AK9: variants seen among roughly 807,000 people sequenced by gnomAD.
AK9 encodes adenylate kinase domain containing 1.
In AK9, 191 loss-of-function variants were observed where a neutral mutation model predicts 239.6. That is an observed-to-expected ratio of 0.80 (90% CI 0.71 to 0.90). The LOEUF (loss-of-function observed/expected upper bound fraction) is 0.90, where lower values mean the gene tolerates loss of function less well. Among genes scored for constraint, AK9 ranks in the 40% least tolerant of loss-of-function variants. The pLI, the probability that AK9 is intolerant of heterozygous loss-of-function variation, is 0.00. For missense variants in AK9, 1,995 were observed against 2,214.7 expected (o/e 0.90, Z 1.99); for synonymous variants, 689 against 721.0 (o/e 0.96, Z 0.71).
At chr6:109,690,919 G>A (rs1410728586) in intron 1 of AK9, among the ~76,000 whole-genome samples, 2 of 152,092 alleles carry the variant, frequency 1.3e-5, no homozygotes, top group East Asian at 3.9e-4. Context: ...TTAGAGGTGA[G>A]GGGAAAACTG....
intron 21 of AK9, among the ~76,000 whole-genome samples, chr6:109,568,174 A>C (rs1786864692): frequency 6.6e-6 from 1 of 152,226 alleles, no homozygotes; most frequent in South Asian, 2.1e-4. Context: ...CAAAAGACAA[A>C]AACCACATGG....
At chr6:109,659,613 T>C (rs1800159506) in intron 6 of AK9, among the ~76,000 whole-genome samples, 200 bp from the exon 7 acceptor site, 1 of 152,154 alleles carries the variant, frequency 6.6e-6, no homozygotes, top group African/African-American at 2.4e-5. Context: ...ATGCTATATG[T>C]TTTTATTTGT....
chr6:109,671,944 G>C lies in AK9; in HGVS notation c.306C>G (p.Leu102=). The change falls in exon 5 of 41, where the codon CTC becomes CTG. Residue 102 remains leucine, a synonymous_variant. Coordinates refer to ENST00000424296, the MANE Select transcript of AK9 (RefSeq NM_001145128.3). Reference sequence around the variant, plus strand: ...CAAAGTGACAGACTTCTGGGGAGTTGAGCTTCTCCAACATTAGCTTTATGA... The same window carrying C: ...CAAAGTGACAGACTTCTGGGGAGTTCAGCTTCTCCAACATTAGCTTTATGA... ...ELVIKLMLEK[L]NSPEVCHFGY... is the part of the protein sequence containing the mutation. The C allele has an allele frequency of 2.5e-6, 4 of 1,613,934 alleles. No homozygotes were observed. Among genetic ancestry groups the C allele is most frequent in the Non-Finnish European group, 3.4e-6 (4 of 1,179,908 alleles).
chr6:109,613,510 A>G (rs1345090540), intron 15 of AK9, among the ~76,000 whole-genome samples: 1 of 151,998 alleles, frequency 6.6e-6, no homozygotes, highest in Non-Finnish European at 1.5e-5. Flanking sequence ...ATTTTATGCA[A>G]AGCAATTTGA....
At chr6:109,630,483 A>C (rs1795994215) in intron 12 of AK9, among the ~76,000 whole-genome samples, 1 of 152,224 alleles carries the variant, frequency 6.6e-6, no homozygotes, top group South Asian at 2.1e-4. Flanking sequence ...TGACATCAAG[A>C]TTTATTGTAA....
At chr6:109,579,761 T>A in intron 19 of AK9, 135 bp from the exon 20 acceptor site, 1 of 771,660 alleles carries the variant, frequency 1.3e-6, no homozygotes, top group East Asian at 3.1e-5. Flanking sequence ...TATTTTTAAA[T>A]TACTCATGTT....
chr6:109,537,803 T>C (rs1274707698), intron 27 of AK9, among the ~76,000 whole-genome samples: 1 of 152,166 alleles, frequency 6.6e-6, no homozygotes. Context: ...TGGTATGTTG[T>C]GTCTTTGTTC....
rs1245201935 is a variant in AK9 at position 109,499,197 on chromosome 6, C to T, written c.4893G>A (p.Glu1631=). ...CAAATTCTCCCAGGCGAGAAAGCAGCTCTTGAGGTGTGATACATAACTTGT... is the reference window on the plus strand; with the variant it reads ...CAAATTCTCCCAGGCGAGAAAGCAGTTCTTGAGGTGTGATACATAACTTGT... The part of the protein sequence containing the change: ...CIDKLCITPQ[E]LLSRLGEFEQ... Residue 1631 remains glutamate, a synonymous_variant, in exon 36 of 41, where the codon GAG becomes GAA. Coordinates refer to ENST00000424296, the MANE Select transcript of AK9 (RefSeq NM_001145128.3). 1 of 1,597,132 alleles carries T rather than the reference C, an allele frequency of 6.3e-7. No homozygotes were observed. The highest frequency in any genetic ancestry group is 1.3e-5 in the African/African-American group (1 of 74,282).
intron 35 of AK9, among the ~76,000 whole-genome samples, chr6:109,502,830 A>AT (rs1313856090): frequency 6.6e-6 from 1 of 152,184 alleles, no homozygotes; most frequent in African/African-American, 2.4e-5. Context: ...ATGAGTGAGC[A>AT]TGGCAGTGGG....
chr6:109,515,749 C>A (rs940150727), intron 31 of AK9, 108 bp downstream of exon 31: 2 of 1,012,320 alleles, frequency 2.0e-6, no homozygotes, highest in South Asian at 1.7e-5. Flanking sequence ...GACTACTACA[C>A]AATACTTACA....
chr6:109,663,850 A>T (rs1800790560), intron 5 of AK9, among the ~76,000 whole-genome samples: 3 of 152,196 alleles, frequency 2.0e-5, no homozygotes, highest in Admixed American at 2.0e-4. Flanking sequence ...TTGGGTTTTG[A>T]TGTAGAATCA....
intron 29 of AK9, among the ~76,000 whole-genome samples, chr6:109,525,412 G>A (rs561852950): frequency 3.4e-4 from 52 of 152,144 alleles, no homozygotes; most frequent in African/African-American, 9.2e-4. Context: ...CAAACTATGC[G>A]TACAACATAA....
At chr6:109,559,478 T>A (rs11505167) in intron 24 of AK9, among the ~76,000 whole-genome samples, 11,021 of 152,302 alleles carry the variant, frequency 0.072, 607 homozygotes, top group East Asian at 0.15. Context: ...GGTATATCTA[T>A]CTGTCCATTT....
At chr6:109,666,145 G>A (rs1583495549) in intron 5 of AK9, among the ~76,000 whole-genome samples, 1 of 152,206 alleles carries the variant, frequency 6.6e-6, no homozygotes, top group East Asian at 1.9e-4. Context: ...TACCCTCTGA[G>A]AGATGTCTAG....
At chr6:109,592,958 G>A (rs1175451001) in intron 17 of AK9, among the ~76,000 whole-genome samples, 3 of 152,030 alleles carry the variant, frequency 2.0e-5, no homozygotes, top group Non-Finnish European at 4.4e-5. Context: ...CCTCAAATAG[G>A]TTTTCTGCAC....
intron 1 of AK9, among the ~76,000 whole-genome samples, chr6:109,689,237 C>A (rs999484970): frequency 6.6e-6 from 1 of 152,028 alleles, no homozygotes; most frequent in Non-Finnish European, 1.5e-5. Flanking sequence ...CTAGCCACTA[C>A]CTTAAAGAAT....
chr6:109,668,536 A>G (rs912491231), intron 5 of AK9, among the ~76,000 whole-genome samples: 2 of 150,498 alleles, frequency 1.3e-5, no homozygotes, highest in Admixed American at 1.3e-4. Flanking sequence ...TGTAGGTCTA[A>G]CATTTAAGTC....
In AK9 at chr6:109,577,858, TTC is replaced by T. The variant is rs1466624117; in HGVS notation, c.2191+1690_2191+1691del. On this transcript the variant is annotated intron_variant, in intron 20 of 40. Transcript: ENST00000424296. Reference sequence around the variant, plus strand: ...TTCCTTCCTTCCTTCCTCTCTCTTTTTCTTTCTTTCTTTTTCTTTCCTTCTTT... The same window carrying T: ...TTCCTTCCTTCCTTCCTCTCTCTTTTTTTCTTTCTTTTTCTTTCCTTCTTT... Among the ~76,000 whole-genome samples, 8 of 143,022 alleles carry T rather than the reference TTC, an allele frequency of 5.6e-5. No homozygotes were observed. In the East Asian group the frequency reaches 1.7e-3, roughly 31 times the overall value. The allele number at this position is 143,022 out of a possible 152,430, so 93.8% of individuals were successfully genotyped here. A position where few individuals can be genotyped will look rare whatever the true frequency, so the allele number is the denominator to read the frequency against.
At chr6:109,675,444 A>C (rs984961124) in intron 2 of AK9, among the ~76,000 whole-genome samples, 185 bp downstream of exon 2, 3 of 152,172 alleles carry the variant, frequency 2.0e-5, no homozygotes, top group Non-Finnish European at 2.9e-5. Context: ...ATATGTGTGC[A>C]TGTGTGCAAG....
Sources: allele counts gnomAD v4.1 joint callset (sites outside exome capture counted in the v4.1 genomes callset), GRCh38; gene constraint gnomAD v4.1.1; transcripts MANE v1.5; gene names NCBI Gene and HGNC (gene_info 2026-07-23, HGNC 2026-07-21).